The following LNX1 variants were observed in gnomAD, a reference collection of about 807,000 sequenced individuals.
LNX1 encodes ligand of numb-protein X 1.
A neutral mutation model predicts 68.4 loss-of-function variants in LNX1; 54 were observed. The observed-to-expected ratio is 0.79, with a 90% CI of 0.63 to 0.99. LNX1 has a LOEUF of 0.99. Among genes scored for constraint, LNX1 ranks in the 50% least tolerant of loss-of-function variants. The pLI is 0.00. For missense variants in LNX1, 906 were observed against 926.4 expected (o/e 0.98, Z 0.29); for synonymous variants, 336 against 350.0 (o/e 0.96, Z 0.45).
At chr4:53,543,401 T>C (rs1728889398) in intron 2 of LNX1, among the ~76,000 whole-genome samples, 1 of 152,232 alleles carries the variant, frequency 6.6e-6, no homozygotes, top group Non-Finnish European at 1.5e-5. Flanking sequence ...ATGCCTGATA[T>C]GTCATACACA....
rs1730455722 is a variant in LNX1, at chr4:53,563,906, C to T, written c.380+9717G>A. 2.0e-5 allele frequency among the ~76,000 whole-genome samples: 3 copies of T among 152,184 alleles called. No individual in the cohort carries two copies. The South Asian group carries it at 6.2e-4, about 31-fold the overall frequency. ...GGGAGGCGAAGGAATGTATATCAGG[C>T]ATATGGTGACTAATACATACAACAT... On this transcript the variant is annotated intron_variant, in intron 2 of 10. Transcript: ENST00000263925.
intron 2 of LNX1, among the ~76,000 whole-genome samples, chr4:53,609,770 A>AAATAT: frequency 7.0e-6 from 1 of 142,442 alleles, no homozygotes; most frequent in East Asian, 2.0e-4. Context: ...ACTATTATAT[A>AAATAT]TTATATATAA....
intron 6 of LNX1, among the ~76,000 whole-genome samples, chr4:53,488,285 C>G (rs1724453168): frequency 6.6e-6 from 1 of 152,232 alleles, no homozygotes; most frequent in African/African-American, 2.4e-5. Context: ...TATTGCCTGC[C>G]TATTGGTCTA....
intron 4 of LNX1, among the ~76,000 whole-genome samples, chr4:53,499,396 T>A (rs1039129122): frequency 2.6e-5 from 4 of 152,162 alleles, no homozygotes; most frequent in African/African-American, 9.7e-5. Flanking sequence ...TGAGCCCAGG[T>A]GATCCACCCA....
chr4:53,497,135 T>TA (rs1188007238), intron 5 of LNX1, among the ~76,000 whole-genome samples: 1 of 152,210 alleles, frequency 6.6e-6, no homozygotes, highest in Non-Finnish European at 1.5e-5. Flanking sequence ...TAAAGCTACT[T>TA]AAACAAGCTT....
At chr4:53,567,676 A>G (rs1296090968) in intron 2 of LNX1, among the ~76,000 whole-genome samples, 1 of 152,236 alleles carries the variant, frequency 6.6e-6, no homozygotes, top group Non-Finnish European at 1.5e-5. Flanking sequence ...AGAGACACAA[A>G]AAACCCTTCA....
At chr4:53,574,522 T>C (rs1220671124) in intron 1 of LNX1, among the ~76,000 whole-genome samples, 4 of 152,126 alleles carry the variant, frequency 2.6e-5, no homozygotes, top group Non-Finnish European at 4.4e-5. Context: ...TCTCCCAAAC[T>C]CAGAAAAAGT....
intron 2 of LNX1, among the ~76,000 whole-genome samples, chr4:53,550,906 A>T (rs146460282): frequency 6.6e-6 from 1 of 152,324 alleles, no homozygotes; most frequent in Non-Finnish European, 1.5e-5. Flanking sequence ...TAGATACAGA[A>T]AATGGAGGCA....
intron 3 of LNX1, 98 bp downstream of exon 3, chr4:53,507,888 C>T: frequency 6.8e-7 from 1 of 1,465,474 alleles, no homozygotes; most frequent in East Asian, 2.4e-5. Flanking sequence ...ACGATTTCCC[C>T]TTAAAAAACA....
chr4:53,535,512 C>A (rs1176133413), intron 2 of LNX1, among the ~76,000 whole-genome samples: 6 of 146,786 alleles, frequency 4.1e-5, no homozygotes, highest in Non-Finnish European at 7.5e-5. Context: ...TGAAGTTGAA[C>A]ATAAATTATT....
At position 53,616,513 on chromosome 4, in the gene LNX1, C is replaced by T. The variant is rs551289683; in HGVS notation, c.-215+4G>A. 8.5e-5 allele frequency: 13 copies of T among 152,276 alleles called. No homozygotes were observed. The South Asian group carries it at 2.7e-3, about 32-fold the overall frequency. The allele number at this position is 152,276 out of a possible 1,614,324, so 9.4% of individuals were successfully genotyped here. A position where few individuals can be genotyped will look rare whatever the true frequency, so the allele number is the denominator to read the frequency against. On this transcript the variant is annotated splice_donor_region_variant and intron_variant, in intron 2 of 3. Transcript: ENST00000504299. ...GAATGAATGGTCTGATTCATTTGGC[C>T]TACCTGGGCAGCTTTGCTTGTGTCC...
chr4:53,545,256 T>G (rs149389431), intron 2 of LNX1, among the ~76,000 whole-genome samples: 1 of 152,352 alleles, frequency 6.6e-6, no homozygotes, highest in Admixed American at 6.5e-5. Context: ...TTCAGCATAA[T>G]TTTAACTGGC....
Position 53,476,948 on chromosome 4 carries a change from A to G in LNX1, c.1697T>C (p.Leu566Pro), listed in dbSNP as rs1266622106. Residue 566 changes from leucine (L) to proline (P), a missense_variant, in exon 9 of 11, where the codon CTG (leucine) becomes CCG (proline). Physicochemically the swap from Leu to Pro is moderately conservative, Grantham distance 98. Transcript: ENST00000263925. ...DILLNVDGVE[L>P]TEVSRSEAVA... Reference sequence around the variant, plus strand: ...TGCCTCACTCCGGCTGACCTCTGTCAGTTCGACCCCATCCACATTCAACAA... The same window carrying G: ...TGCCTCACTCCGGCTGACCTCTGTCGGTTCGACCCCATCCACATTCAACAA... The G allele has an allele frequency of 1.9e-6, 3 of 1,614,060 alleles. No homozygotes were observed. The highest frequency in any genetic ancestry group is 2.5e-6 in the Non-Finnish European group (3 of 1,180,036).
intron 4 of LNX1, among the ~76,000 whole-genome samples, chr4:53,501,559 C>T (rs767147567): frequency 3.3e-5 from 5 of 152,110 alleles, no homozygotes; most frequent in Admixed American, 6.5e-5. Flanking sequence ...CTAGGATTAC[C>T]GGTGTAAGCC....
At chr4:53,500,382 A>T (rs983017478) in intron 4 of LNX1, 23 of 152,038 alleles carry the variant, frequency 1.5e-4, no homozygotes, top group Admixed American at 9.8e-4. Context: ...CTCAAGTTTG[A>T]ATGTAAAGGG....
intron 1 of LNX1, among the ~76,000 whole-genome samples, chr4:53,641,760 A>G (rs1160595421): frequency 6.6e-6 from 1 of 152,230 alleles, no homozygotes; most frequent in Non-Finnish European, 1.5e-5. Flanking sequence ...AGAACTCCAT[A>G]TAAATGAAAT....
At chr4:53,603,474 A>G (rs780519862) in intron 2 of LNX1, 2 of 152,210 alleles carry the variant, frequency 1.3e-5, no homozygotes, top group Non-Finnish European at 2.9e-5. Flanking sequence ...TTGCATTGGT[A>G]TAAGGAAATA....
Position 53,508,205 on chromosome 4 carries a change from C to G in LNX1, c.403G>C (p.Gly135Arg), listed in dbSNP as rs373435602. The G allele has an allele frequency of 2.5e-6, 4 of 1,613,898 alleles. No homozygotes were observed. Among genetic ancestry groups the G allele is most frequent in the African/African-American group, 1.3e-5 (1 of 74,908 alleles). Residue 135 changes from glycine to arginine, a missense_variant, in exon 3 of 11, where the codon GGC becomes CGC. By Grantham distance (125) the Gly-to-Arg change is moderately radical (BLOSUM62 -2). Coordinates refer to ENST00000263925, the MANE Select transcript of LNX1 (RefSeq NM_001126328.3). ...QTSCKGASHY[G>R]LTKDRKRRSQ... ...CGCCTCTTCCTATCTTTGGTCAGGC[C>G]GTAGTGGGAGGCACCTTTACAGCTG...
chr4:53,523,621 CAT>C (rs960134172), intron 2 of LNX1, among the ~76,000 whole-genome samples: 10 of 152,316 alleles, frequency 6.6e-5, no homozygotes, highest in Admixed American at 6.5e-4. Context: ...ATGCACATCT[CAT>C]GTGAAATCAG....
Sources: allele counts gnomAD v4.1 joint callset (sites outside exome capture counted in the v4.1 genomes callset), GRCh38; gene constraint gnomAD v4.1.1; transcripts MANE v1.5; gene names NCBI Gene and HGNC (gene_info 2026-07-23, HGNC 2026-07-21).